Variants in SLC19A3 observed in about 807,000 individuals in gnomAD.
SLC19A3 encodes the protein solute carrier family 19 member 3.
A neutral mutation model predicts 40.2 loss-of-function variants in SLC19A3; 31 were observed. The observed-to-expected ratio is 0.77, with a 90% CI of 0.58 to 1.04. SLC19A3 has a LOEUF of 1.04. Ranked by LOEUF, SLC19A3 falls within the 50% of genes least tolerant of loss-of-function variation. The probability of loss-of-function intolerance (pLI) is 0.00; values close to 1 mark genes in which losing one functional copy is unlikely to be tolerated. For missense variants in SLC19A3, 592 were observed against 596.7 expected (o/e 0.99, Z 0.08); for synonymous variants, 212 against 227.5 (o/e 0.93, Z 0.61).
Position 227,685,357 on chromosome 2 carries a change from G to C in SLC19A3, c.*2040C>G, listed in dbSNP as rs2106315060. ...CTTCACGTGGCCAAAGCAGGAGAAA[G>C]AGAGAGTGGGGAGGTGCTACACACT... On this transcript the variant is annotated 3_prime_UTR_variant, in exon 6 of 6. Transcript: ENST00000644224. 6.6e-6 allele frequency: 1 copy of C among 152,464 alleles called. No homozygotes were observed. The allele number at this position is 152,464 out of a possible 1,614,324, so 9.4% of individuals were successfully genotyped here.
chr2:227,692,710 A>G (rs1199685260), intron 4 of SLC19A3, among the ~76,000 whole-genome samples: 1 of 152,222 alleles, frequency 6.6e-6, no homozygotes, highest in African/African-American at 2.4e-5. Context: ...TAGAGCAATC[A>G]GACAAGAGAA....
rs769256469 is a variant in SLC19A3 at position 227,714,703 on chromosome 2, CAAAAAAA to C, written c.-3+3233_-3+3239del. 2.9e-4 allele frequency: 51 copies of C among 177,172 alleles called. 1 individual carries two copies. Among genetic ancestry groups the C allele is most frequent in the Non-Finnish European group, 3.6e-4 (46 of 128,004 alleles). The allele number at this position is 177,172 out of a possible 1,614,324, so 11.0% of individuals were successfully genotyped here. On this transcript the variant is annotated intron_variant, in intron 1 of 5. Transcript: ENST00000644224. ...AGCCGATGACATTTGAAATCCCATC[CAAAAAAA>C]AAAAAAAAAAAAAGCAGACACCCAG...
chr2:227,697,967 T>G (rs1460217070), intron 3 of SLC19A3, among the ~76,000 whole-genome samples: 2 of 151,766 alleles, frequency 1.3e-5, no homozygotes, highest in African/African-American at 4.8e-5. Context: ...TAGTCCCAGC[T>G]ACTCAGGAGG....
At chr2:227,712,183 C>G (rs966012004) in intron 1 of SLC19A3, among the ~76,000 whole-genome samples, 1 of 151,616 alleles carries the variant, frequency 6.6e-6, no homozygotes, top group Non-Finnish European at 1.5e-5. Context: ...GCAGGAGGGT[C>G]ACTTGAGCCT....
chr2:227,703,426 C>A lies in SLC19A3; in HGVS notation c.-2-1106G>T, dbSNP rs1053400369. ...CCCTTTCCCAAGGTGACCCCGACAG[C>A]TGCATAATTCCTCTCTTAAGTTCAA... On this transcript the variant is annotated intron_variant, in intron 1 of 5. Transcript: ENST00000644224. This position sits in a 1 kb window ranked among gnomAD's most constrained non-coding sequence, Gnocchi z 4.7. Among the ~76,000 whole-genome samples the A allele has an allele frequency of 3.9e-5, 6 of 152,166 alleles. No homozygotes were observed. The highest frequency in any genetic ancestry group is 2.6e-4 in the Admixed American group (4 of 15,272).
rs981491046 is a variant in SLC19A3, at chr2:227,686,823, G to A, written c.*574C>T. On this transcript the variant is annotated 3_prime_UTR_variant, in exon 6 of 6. Coordinates refer to ENST00000644224, the MANE Select transcript of SLC19A3 (RefSeq NM_025243.4). Reference sequence around the variant, plus strand: ...AATAATAATACTATCAAATCATAACGTGAATAATGCTGTTATTAGAGTTGA... The same window carrying A: ...AATAATAATACTATCAAATCATAACATGAATAATGCTGTTATTAGAGTTGA... 2.0e-5 allele frequency: 3 copies of A among 152,256 alleles called. No homozygotes were observed. The highest frequency in any genetic ancestry group is 2.9e-5 in the Non-Finnish European group (2 of 68,030). The allele number at this position is 152,256 out of a possible 1,614,324, so 9.4% of individuals were successfully genotyped here.
intron 1 of SLC19A3, 164 bp from the exon 2 acceptor site, chr2:227,702,484 C>T (rs964297815): frequency 3.0e-6 from 2 of 664,274 alleles, no homozygotes; most frequent in Non-Finnish European, 5.1e-6. Flanking sequence ...ACCTGTGCCT[C>T]CCGGGCTCAA....
intron 5 of SLC19A3, 44 bp downstream of exon 5, chr2:227,688,122 A>G: frequency 6.2e-7 from 1 of 1,612,224 alleles, no homozygotes; most frequent in African/African-American, 1.3e-5. Flanking sequence ...AGGTTGAGAA[A>G]TTTTTGAGGT....
In SLC19A3 at chr2:227,698,898, A is replaced by C. The variant is rs780918181; in HGVS notation, c.817T>G (p.Tyr273Asp). The C allele has an allele frequency of 6.2e-7, 1 of 1,614,108 alleles. No individual in the cohort carries two copies. The highest frequency in any genetic ancestry group is 1.7e-5 in the Admixed American group (1 of 60,022). ...CAGTAGAAAAGACGTTTTGAGGAGT[A>C]GCACTCCTTCAAATCTTGGAACCAC... ...VQWFQDLKEC[Y>D]SSKRLFYWSL... is the part of the protein sequence containing the mutation. The change falls in exon 3 of 6, where the codon TAC becomes GAC. Residue 273 changes from tyrosine (Y) to aspartate (D), a missense_variant. Physicochemically the swap from Tyr to Asp is radical, Grantham distance 160. Transcript: ENST00000644224.
At chr2:227,700,709 G>A (rs755339969) in intron 2 of SLC19A3, among the ~76,000 whole-genome samples, 7 of 151,968 alleles carry the variant, frequency 4.6e-5, no homozygotes, top group African/African-American at 7.3e-5. Context: ...TTCCTTCATG[G>A]GCAAATTTGC....
intron 5 of SLC19A3, 89 bp downstream of exon 5, chr2:227,688,077 A>C: frequency 1.4e-6 from 2 of 1,397,822 alleles, no homozygotes; most frequent in Non-Finnish European, 2.0e-6. Context: ...TTGCTTAACC[A>C]AGGAACTCAA....
At chr2:227,710,551 C>A (rs1353128927) in intron 1 of SLC19A3, among the ~76,000 whole-genome samples, 1 of 151,946 alleles carries the variant, frequency 6.6e-6, no homozygotes, top group African/African-American at 2.4e-5. Flanking sequence ...TAAAAATTAG[C>A]CAGTTCAAGA....
At position 227,691,001 on chromosome 2, in the gene SLC19A3, A is replaced by T. The variant is rs192504782; in HGVS notation, c.1173-2694T>A. On this transcript the variant is annotated intron_variant, in intron 4 of 5. Transcript: ENST00000644224. ...CTCAGCATATGGATCATTGTCAAGG[A>T]TAAACCATGTTAGGTTACAAAACAA... Among the ~76,000 whole-genome samples the T allele has an allele frequency of 2.6e-5, 4 of 152,296 alleles. No individual in the cohort carries two copies. In the East Asian group the frequency reaches 7.7e-4, roughly 29 times the overall value.
chr2:227,695,509 G>A, intron 4 of SLC19A3: 1 of 229,660 alleles, frequency 4.4e-6, no homozygotes, highest in Non-Finnish European at 8.7e-6. Flanking sequence ...GGTTGAGGTT[G>A]GGGACTCACC....
rs1306523234 is a variant in SLC19A3, at chr2:227,683,764, T to C, written c.*3633A>G. On this transcript the variant is annotated 3_prime_UTR_variant, in exon 6 of 6. Transcript: ENST00000644224. ...CCATTACTCCACAGTAGGCAATCAT[T>C]GGTATGAGTTTCAGTTGTTTATTTA... The C allele has an allele frequency of 6.6e-6, 1 of 152,170 alleles. No individual in the cohort carries two copies. Among genetic ancestry groups the C allele is most frequent in the Non-Finnish European group, 1.5e-5 (1 of 68,044 alleles). 9.4% of individuals were successfully genotyped at this position (152,170 alleles called of 1,614,324 possible).
At chr2:227,715,606 G>A (rs1384892455) in intron 1 of SLC19A3, among the ~76,000 whole-genome samples, 2 of 152,026 alleles carry the variant, frequency 1.3e-5, no homozygotes, top group Non-Finnish European at 2.9e-5. Context: ...GTGTTTGCTG[G>A]TAAATTAATC....
chr2:227,706,431 A>G (rs1179912892), intron 1 of SLC19A3: 5 of 1,230,466 alleles, frequency 4.1e-6, no homozygotes, highest in Non-Finnish European at 5.1e-6. Context: ...TATAAGCTCT[A>G]TCACTTTTTA....
intron 4 of SLC19A3, among the ~76,000 whole-genome samples, chr2:227,693,284 C>A (rs1253280983): frequency 1.3e-5 from 2 of 151,916 alleles, no homozygotes; most frequent in Non-Finnish European, 2.9e-5. Flanking sequence ...ACAACAACAA[C>A]AACAACAAAA....
intron 1 of SLC19A3, among the ~76,000 whole-genome samples, chr2:227,715,070 T>C (rs545085454): frequency 6.6e-6 from 1 of 152,238 alleles, no homozygotes; most frequent in East Asian, 1.9e-4. Context: ...TCCACCCGCC[T>C]CAGCCACTCA....
Sources: gnomAD v4.1 joint callset for allele counts (sites outside exome capture counted in the v4.1 genomes callset) on GRCh38, gnomAD v4.1.1 for gene constraint, Gnocchi (gnomAD v3.1) non-coding constraint, MANE v1.5 for transcripts, NCBI Gene and HGNC (gene_info 2026-07-23, HGNC 2026-07-21) for gene names.